LSAMP: variants seen among roughly 807,000 people sequenced by gnomAD.
The protein encoded by LSAMP is limbic system-associated membrane protein.
Under a neutral mutation model 38.6 loss-of-function variants are expected in LSAMP, and 7 were observed. That is an observed-to-expected ratio of 0.18 (90% CI 0.10 to 0.34). LSAMP has a LOEUF of 0.34. Among genes scored for constraint, LSAMP ranks in the 10% least tolerant of loss-of-function variants. The pLI, the probability that LSAMP is intolerant of heterozygous loss-of-function variation, is 1.00. For synonymous variants in LSAMP, 154 were observed against 166.8 expected (o/e 0.92, Z 0.59); for missense variants, 313 against 420.0 (o/e 0.75, Z 2.23).
In LSAMP at chr3:115,842,005, A is replaced by G; in HGVS notation, c.771-12T>C. ...TGGCACTATTTATCCTAAGAGTTCA[A>G]AAACAGAAGAATAGAAAGGATCACT... On this transcript the variant is annotated splice_polypyrimidine_tract_variant and intron_variant, in intron 5 of 6. Transcript: ENST00000490035. The G allele has an allele frequency of 6.2e-7, 1 of 1,604,058 alleles. No individual in the cohort carries two copies. The highest frequency in any genetic ancestry group is 8.5e-7 in the Non-Finnish European group (1 of 1,176,964).
intron 1 of LSAMP, among the ~76,000 whole-genome samples, chr3:116,197,188 G>T (rs1710909581): frequency 1.4e-5 from 2 of 143,040 alleles, no homozygotes; most frequent in African/African-American, 2.7e-5. Flanking sequence ...CACTCACTTT[G>T]TCTAGGTTCT....
chr3:116,046,993 G>A (rs1442471918), intron 2 of LSAMP, among the ~76,000 whole-genome samples: 2 of 152,136 alleles, frequency 1.3e-5, no homozygotes, highest in African/African-American at 2.4e-5. Flanking sequence ...CCGTTGCAAA[G>A]CACTGAGAAA....
intron 1 of LSAMP, among the ~76,000 whole-genome samples, chr3:116,323,993 C>T (rs558733379): frequency 6.6e-6 from 1 of 152,092 alleles, no homozygotes; most frequent in Non-Finnish European, 1.5e-5. Flanking sequence ...AGAACATTAA[C>T]ATAGTTCAAC....
At chr3:115,850,738 T>C (rs926184929) in intron 4 of LSAMP, among the ~76,000 whole-genome samples, 1 of 152,204 alleles carries the variant, frequency 6.6e-6, no homozygotes, top group Non-Finnish European at 1.5e-5. Flanking sequence ...TTTGTTTCTA[T>C]TAGATTCCTC....
intron 1 of LSAMP, among the ~76,000 whole-genome samples, chr3:116,408,348 TTAAC>T (rs1407146322): frequency 6.6e-6 from 1 of 152,096 alleles, no homozygotes; most frequent in Non-Finnish European, 1.5e-5. Flanking sequence ...TTTGGAGAAA[TTAAC>T]TAAAATCAAA....
At chr3:115,907,492 C>T (rs1022143575) in intron 3 of LSAMP, among the ~76,000 whole-genome samples, 1 of 152,136 alleles carries the variant, frequency 6.6e-6, no homozygotes, top group Non-Finnish European at 1.5e-5. Context: ...GACTTCCCTG[C>T]CTCCAGAACT....
chr3:116,003,909 C>T (rs1350983436), intron 3 of LSAMP, among the ~76,000 whole-genome samples: 1 of 152,132 alleles, frequency 6.6e-6, no homozygotes, highest in Non-Finnish European at 1.5e-5. Flanking sequence ...TGAGATAACA[C>T]CTTTCTGTTG....
intron 1 of LSAMP, among the ~76,000 whole-genome samples, chr3:116,290,734 AAAT>A (rs201227569): frequency 0.17 from 23,991 of 140,296 alleles, 2,132 homozygotes; most frequent in East Asian, 0.22. Context: ...TGTCTCACAA[AAAT>A]AATAATAATA....
Position 116,395,551 on chromosome 3 carries a change from T to C in LSAMP, c.155+49326A>G, listed in dbSNP as rs1360960300. ...CAAAGCTCATAAGCCACATTGGAGA[T>C]CTTAACTACTAGACAGCACAGAGCT... is the stretch of plus-strand genomic sequence containing the variant. On this transcript the variant is annotated intron_variant, in intron 1 of 6. Coordinates refer to ENST00000490035, the MANE Select transcript of LSAMP (RefSeq NM_002338.5). 5.3e-5 allele frequency among the ~76,000 whole-genome samples: 8 copies of C among 152,192 alleles called. No individual in the cohort carries two copies. The East Asian group carries it at 1.5e-3, about 29-fold the overall frequency.
At chr3:115,997,608 G>A (rs1939850228) in intron 3 of LSAMP, among the ~76,000 whole-genome samples, 1 of 150,154 alleles carries the variant, frequency 6.7e-6, no homozygotes, top group African/African-American at 2.5e-5. Context: ...TACAGCAAGT[G>A]CAAAGGCCCT....
chr3:116,426,461 CAAAAA>C (rs34278703), intron 1 of LSAMP, among the ~76,000 whole-genome samples: 1 of 85,530 alleles, frequency 1.2e-5, no homozygotes. Flanking sequence ...AACTCCGTCT[CAAAAA>C]AAAAAAAAAA....
chr3:115,982,012 T>A (rs1305485542), intron 3 of LSAMP, among the ~76,000 whole-genome samples: 1 of 152,256 alleles, frequency 6.6e-6, no homozygotes, highest in African/African-American at 2.4e-5. Context: ...TAATCTCTTG[T>A]ATGCTTCTTG....
intron 1 of LSAMP, among the ~76,000 whole-genome samples, chr3:116,358,496 AC>A: frequency 6.6e-6 from 1 of 152,150 alleles, no homozygotes; most frequent in African/African-American, 2.4e-5. Flanking sequence ...AGAAGCATAA[AC>A]CCCTCCCCAC....
chr3:116,193,454 A>G (rs1202445508), intron 1 of LSAMP, among the ~76,000 whole-genome samples: 5 of 152,172 alleles, frequency 3.3e-5, no homozygotes, highest in African/African-American at 9.7e-5. Context: ...GCAGGATACC[A>G]TTTGTCTTGT....
chr3:116,348,853 A>T (rs576606301), intron 1 of LSAMP, among the ~76,000 whole-genome samples: 3 of 152,288 alleles, frequency 2.0e-5, no homozygotes, highest in African/African-American at 7.2e-5. Flanking sequence ...ATAGTTGGTG[A>T]CAAAATTAAT....
chr3:116,418,893 C>T (rs1032503739), intron 1 of LSAMP, among the ~76,000 whole-genome samples: 1 of 152,194 alleles, frequency 6.6e-6, no homozygotes, highest in African/African-American at 2.4e-5. Context: ...CACATTCATA[C>T]TATGCTTCAT....
intron 1 of LSAMP, among the ~76,000 whole-genome samples, chr3:116,164,141 G>T (rs1709972868): frequency 6.6e-6 from 1 of 152,104 alleles, no homozygotes; most frequent in Non-Finnish European, 1.5e-5. Context: ...GGGTAATAGT[G>T]CTTTTTAATC....
At chr3:116,250,336 T>C (rs2046663732) in intron 1 of LSAMP, among the ~76,000 whole-genome samples, 1 of 152,236 alleles carries the variant, frequency 6.6e-6, no homozygotes, top group Non-Finnish European at 1.5e-5. Context: ...ACTTTCTATC[T>C]ACTCTAAAAG....
chr3:115,826,956 CTTTT>C (rs67125824), intron 6 of LSAMP, among the ~76,000 whole-genome samples: 99 of 133,446 alleles, frequency 7.4e-4, no homozygotes, highest in Admixed American at 1.1e-3. Flanking sequence ...ATCATTCCGT[CTTTT>C]TTTTTTTTTT....
Sources: allele counts gnomAD v4.1 joint callset (sites outside exome capture counted in the v4.1 genomes callset), GRCh38; gene constraint gnomAD v4.1.1; transcripts MANE v1.5; gene names NCBI Gene and HGNC (gene_info 2026-07-23, HGNC 2026-07-21).